The following PTPRM variants were observed in gnomAD, a reference collection of about 807,000 sequenced individuals.
PTPRM encodes the protein protein tyrosine phosphatase receptor type M, also known as receptor-type tyrosine-protein phosphatase mu.
Under a neutral mutation model 186.7 loss-of-function variants are expected in PTPRM, and 47 were observed. The ratio of observed to expected loss-of-function variants is 0.25; its 90% confidence interval spans 0.20 to 0.32. The LOEUF (loss-of-function observed/expected upper bound fraction) is 0.32, where lower values mean the gene tolerates loss of function less well. Ranked by LOEUF, PTPRM falls within the 10% of genes least tolerant of loss-of-function variation. PTPRM has a pLI of 1.00. For synonymous variants in PTPRM, 668 were observed against 674.9 expected (o/e 0.99, Z 0.16); for missense variants, 1,494 against 1,865.0 (o/e 0.80, Z 3.66).
chr18:8,243,112 A>G (rs1434399744), intron 14 of PTPRM, among the ~76,000 whole-genome samples: 2 of 152,168 alleles, frequency 1.3e-5, no homozygotes, highest in Non-Finnish European at 2.9e-5. Flanking sequence ...ATCTATAAAA[A>G]TTTGTGTTAC....
chr18:8,185,332 G>C (rs1031027510), intron 14 of PTPRM, among the ~76,000 whole-genome samples: 1 of 152,130 alleles, frequency 6.6e-6, no homozygotes, highest in African/African-American at 2.4e-5. Context: ...CACTTCACCA[G>C]GCCCCCCAGG....
In PTPRM at chr18:7,963,276, A is replaced by AT. The variant is rs565899135; in HGVS notation, c.1132+7864dup. 2.2e-3 allele frequency among the ~76,000 whole-genome samples: 333 copies of AT among 152,338 alleles called. 4 individuals carry two copies. Among genetic ancestry groups the AT allele is most frequent in the African/African-American group, 7.7e-3 (318 of 41,564 alleles). On this transcript the variant is annotated intron_variant, in intron 7 of 32. Transcript: ENST00000580170. ...GTGTTTAGGCCCCAGAGATTCTGTA[A>AT]TTAATACCTAAACCTCAAGTTCTGC...
At chr18:8,217,092 CA>C (rs1479060881) in intron 14 of PTPRM, among the ~76,000 whole-genome samples, 6 of 152,330 alleles carry the variant, frequency 3.9e-5, no homozygotes, top group Admixed American at 2.0e-4. Flanking sequence ...AATATTTACA[CA>C]TACTTTCTTC....
At chr18:8,317,336 G>A (rs1320616670) in intron 21 of PTPRM, among the ~76,000 whole-genome samples, 6 of 152,094 alleles carry the variant, frequency 3.9e-5, no homozygotes, top group Non-Finnish European at 8.8e-5. Flanking sequence ...ATGGTGTGTG[G>A]AACAGATTCA....
chr18:8,069,871 T>G lies in PTPRM; in HGVS notation c.1318T>G (p.Ser440Ala), dbSNP rs1416858647. ...REEVSWDTENSHPQHTITNLS... is the reference protein window; with the variant it reads ...REEVSWDTENAHPQHTITNLS... ...AGAAGTAAGCTGGGATACAGAAAAC[T>G]CACACCCTCAACACACGATCACTAA... The change falls in exon 8 of 33, where the codon TCA becomes GCA. Residue 440 changes from serine (S) to alanine (A), a missense_variant. Physicochemically the swap from Ser to Ala is moderately conservative, Grantham distance 99 (BLOSUM62 1). Coordinates refer to ENST00000580170, the MANE Select transcript of PTPRM (RefSeq NM_001105244.2). 2.5e-6 allele frequency: 4 copies of G among 1,613,726 alleles called. No individual in the cohort carries two copies. Among genetic ancestry groups the G allele is most frequent in the South Asian group, 2.2e-5 (2 of 91,012 alleles).
chr18:7,811,503 A>C (rs1251938407), intron 2 of PTPRM, among the ~76,000 whole-genome samples: 1 of 152,166 alleles, frequency 6.6e-6, no homozygotes, highest in Non-Finnish European at 1.5e-5. Flanking sequence ...GAATACTGGC[A>C]TGTACCACCA....
At chr18:7,878,193 A>T (rs2146255670) in intron 2 of PTPRM, among the ~76,000 whole-genome samples, 1 of 152,272 alleles carries the variant, frequency 6.6e-6, no homozygotes, top group African/African-American at 2.4e-5. Flanking sequence ...TTGCTTTTTC[A>T]TATTATTTGC....
intron 19 of PTPRM, among the ~76,000 whole-genome samples, chr18:8,295,925 C>T (rs1304700687): frequency 1.3e-5 from 2 of 152,200 alleles, no homozygotes; most frequent in African/African-American, 4.8e-5. Context: ...AGCTTACCTA[C>T]TCTCATGTTT....
At chr18:8,201,053 C>T (rs1252667751) in intron 14 of PTPRM, among the ~76,000 whole-genome samples, 2 of 152,150 alleles carry the variant, frequency 1.3e-5, no homozygotes, top group South Asian at 2.1e-4. Context: ...CGATGGCTCC[C>T]GCCTGTAATC....
At chr18:7,769,721 A>G (rs1278533636) in intron 1 of PTPRM, among the ~76,000 whole-genome samples, 1 of 152,204 alleles carries the variant, frequency 6.6e-6, no homozygotes, top group Non-Finnish European at 1.5e-5. Context: ...TTGGAACAGT[A>G]TAGGAATCAT....
intron 3 of PTPRM, among the ~76,000 whole-genome samples, chr18:7,891,754 A>G (rs1231308426): frequency 4.6e-5 from 7 of 152,160 alleles, no homozygotes; most frequent in Non-Finnish European, 1.0e-4. Context: ...GCGTGCCCGT[A>G]GTCCCAGCCA....
intron 3 of PTPRM, among the ~76,000 whole-genome samples, chr18:7,889,594 C>A (rs1378609302): frequency 1.3e-5 from 2 of 152,102 alleles, no homozygotes; most frequent in Non-Finnish European, 2.9e-5. Flanking sequence ...CCACCCTAGC[C>A]TCCCAGAGTG....
chr18:7,579,327 ATCT>A (rs1277125966), intron 1 of PTPRM, among the ~76,000 whole-genome samples: 4 of 152,300 alleles, frequency 2.6e-5, no homozygotes, highest in African/African-American at 9.6e-5. Flanking sequence ...TATGATTTTG[ATCT>A]TCTTTAAAGT....
At chr18:8,116,181 A>G (rs2091950448) in intron 13 of PTPRM, among the ~76,000 whole-genome samples, 2 of 152,180 alleles carry the variant, frequency 1.3e-5, no homozygotes, top group South Asian at 2.1e-4. Context: ...TCTCAAGATT[A>G]TGGTCCATAC....
At chr18:8,001,544 T>TA (rs1300666135) in intron 7 of PTPRM, among the ~76,000 whole-genome samples, 2 of 152,082 alleles carry the variant, frequency 1.3e-5, no homozygotes, top group African/African-American at 4.8e-5. Context: ...TTTTTTTTTT[T>TA]ATTTGCCCCT....
chr18:8,285,913 G>T lies in PTPRM; in HGVS notation c.2755-10455G>T, dbSNP rs536830629. ...AGGCTGAGGCAGGAGGATCACTTGA[G>T]CTCGGGGTCAAGGGCTGCAGTGAGC... On this transcript the variant is annotated intron_variant, in intron 19 of 32. Transcript: ENST00000580170. Among the ~76,000 whole-genome samples the T allele has an allele frequency of 3.3e-5, 5 of 152,236 alleles. No individual in the cohort carries two copies. The South Asian group carries it at 1.0e-3, about 32-fold the overall frequency.
chr18:7,580,700 G>T (rs1232830045), intron 1 of PTPRM, among the ~76,000 whole-genome samples: 1 of 152,066 alleles, frequency 6.6e-6, no homozygotes, highest in Non-Finnish European at 1.5e-5. Flanking sequence ...GAGAATCAAC[G>T]GAGACTTTGG....
chr18:7,942,215 G>A (rs997871403), intron 5 of PTPRM, among the ~76,000 whole-genome samples: 9 of 151,754 alleles, frequency 5.9e-5, no homozygotes, highest in African/African-American at 1.7e-4. Flanking sequence ...CCTGGGAGGC[G>A]GAGGTTGAAG....
chr18:7,659,617 G>C (rs1016680348), intron 1 of PTPRM, among the ~76,000 whole-genome samples: 1 of 152,172 alleles, frequency 6.6e-6, no homozygotes, highest in African/African-American at 2.4e-5. Flanking sequence ...ACAGCAGTTG[G>C]ATCAGTGAAG....
Sources: gnomAD v4.1 joint callset for allele counts (sites outside exome capture counted in the v4.1 genomes callset) on GRCh38, gnomAD v4.1.1 for gene constraint, MANE v1.5 for transcripts, NCBI Gene and HGNC (gene_info 2026-07-23, HGNC 2026-07-21) for gene names.